The following TAF7 variants were observed in gnomAD, a reference collection of about 807,000 sequenced individuals.
TAF7 encodes transcription initiation factor TFIID subunit 7.
A neutral mutation model predicts 25.3 loss-of-function variants in TAF7; 9 were observed. That is an observed-to-expected ratio of 0.36 (90% CI 0.21 to 0.62). TAF7 has a LOEUF of 0.62. TAF7 is among the 20% of genes least tolerant of loss of function. The probability of loss-of-function intolerance (pLI) is 0.72; values close to 1 mark genes in which losing one functional copy is unlikely to be tolerated. For missense variants in TAF7, 311 were observed against 410.6 expected, an observed-to-expected ratio of 0.76 and a Z score of 2.10; for synonymous variants, 127 against 146.7, an observed-to-expected ratio of 0.87 and a Z score of 0.97.
At position 141,319,830 on chromosome 5, in the gene TAF7, C is replaced by T; in HGVS notation, c.215G>A (p.Cys72Tyr). 1 of 1,614,160 alleles carries T rather than the reference C, an allele frequency of 6.2e-7. No individual in the cohort carries two copies. Among genetic ancestry groups the T allele is most frequent in the Non-Finnish European group, 8.5e-7 (1 of 1,180,034 alleles). Residue 72 changes from cysteine to tyrosine, a missense_variant, in exon 1 of 1, where the codon TGT becomes TAT. Cys to Tyr is a radical substitution (Grantham distance 194). This residue lies in a region of TAF7 where 119 missense variants were observed against 159.3 expected (regional missense o/e 0.75). Coordinates refer to ENST00000313368, the MANE Select transcript of TAF7 (RefSeq NM_005642.3). The surrounding 1 kb of genome is among the most constrained non-coding windows in gnomAD (Gnocchi z 5.3). The stretch of plus-strand genomic sequence containing the variant: ...AATGGTTTTCAAGCTTTCCATAACA[C>T]AGGGCAGGTCTACTAATTTTGAGGC... ...PLASKLVDLP[C>Y]VMESLKTIDK... is the part of the protein sequence containing the mutation.
chr5:141,319,858 A>G lies in TAF7; in HGVS notation c.187T>C (p.Leu63=), dbSNP rs1321372868. 6 of 1,614,182 alleles carry G rather than the reference A, an allele frequency of 3.7e-6. No individual in the cohort carries two copies. Among genetic ancestry groups the G allele is most frequent in the South Asian group, 1.1e-5 (1 of 91,080 alleles). Residue 63 remains leucine, a synonymous_variant, in exon 1 of 1, where the codon TTG becomes CTG. Transcript: ENST00000313368. This position sits in a 1 kb window ranked among gnomAD's most constrained non-coding sequence, Gnocchi z 5.3. Reference sequence around the variant, plus strand: ...GGCAGGTCTACTAATTTTGAGGCCAATGGAACACGGTCCACTCTGACGATT... The same window carrying G: ...GGCAGGTCTACTAATTTTGAGGCCAGTGGAACACGGTCCACTCTGACGATT... ...HGIVRVDRVP[L]ASKLVDLPCV...
chr5:141,319,681 T>G lies in TAF7; in HGVS notation c.364A>C (p.Lys122Gln). ...AACTTTTTCTCTTTGTCCTTATCCT[T>G]TTTCTTGCTTGCTTTAGGATCAGTG... is the stretch of plus-strand genomic sequence containing the variant. Reference protein sequence around the residue: ...ASTDPKASKKKDKDKEKKFIW... With the variant: ...ASTDPKASKKQDKDKEKKFIW... Residue 122 changes from lysine (K) to glutamine (Q), a missense_variant, in exon 1 of 1, where the codon AAG (lysine) becomes CAG (glutamine). Lys to Gln is a moderately conservative substitution (Grantham distance 53, BLOSUM62 1). Coordinates refer to ENST00000313368, the MANE Select transcript of TAF7 (RefSeq NM_005642.3). The surrounding 1 kb of genome is among the most constrained non-coding windows in gnomAD (Gnocchi z 5.3). 1 of 1,614,154 alleles carries G rather than the reference T, an allele frequency of 6.2e-7. No individual in the cohort carries two copies. The highest frequency in any genetic ancestry group is 8.5e-7 in the Non-Finnish European group (1 of 1,180,034).
rs1379320183 is a variant in TAF7 at position 141,320,538 on chromosome 5, T to C, written c.-494A>G. On this transcript the variant is annotated 5_prime_UTR_variant, in exon 1 of 1. Coordinates refer to ENST00000313368, the MANE Select transcript of TAF7 (RefSeq NM_005642.3). ...CTTACAATCCAGTGACGATTATAAGTTCAGTTTCACCGGGCCGGAGCGAAG... is the reference window on the plus strand; with the variant it reads ...CTTACAATCCAGTGACGATTATAAGCTCAGTTTCACCGGGCCGGAGCGAAG... 1.2e-5 allele frequency: 2 copies of C among 168,090 alleles called. No individual in the cohort carries two copies. Among genetic ancestry groups the C allele is most frequent in the Non-Finnish European group, 2.9e-5 (2 of 68,892 alleles). The allele number at this position is 168,090 out of a possible 1,614,324, so 10.4% of individuals were successfully genotyped here. A position where few individuals can be genotyped will look rare whatever the true frequency, so the allele number is the denominator to read the frequency against.
At position 141,319,077 on chromosome 5, in the gene TAF7, T is replaced by C; in HGVS notation, c.968A>G (p.Asp323Gly). The change falls in exon 1 of 1, where the codon GAT becomes GGT. Residue 323 changes from aspartate (D) to glycine (G), a missense_variant. Asp to Gly is a moderately conservative substitution (Grantham distance 94). Around this residue, in one of 3 missense-constraint regions of TAF7, gnomAD observed 179 missense variants for 206.7 expected, o/e 0.87. Coordinates refer to ENST00000313368, the MANE Select transcript of TAF7 (RefSeq NM_005642.3). This position sits in a 1 kb window ranked among gnomAD's most constrained non-coding sequence, Gnocchi z 5.3. ...TCGGTCTTCCTTTTGTTTGAGCTCA[T>C]CCAGTACAGCCTGAAATCTGTTCTT... is the stretch of plus-strand genomic sequence containing the variant. ...ALKNRFQAVL[D>G]ELKQKEDREK... 3 of 1,614,196 alleles carry C rather than the reference T, an allele frequency of 1.9e-6. No homozygotes were observed. The highest frequency in any genetic ancestry group is 2.5e-6 in the Non-Finnish European group (3 of 1,180,030).
Position 141,319,699 on chromosome 5 carries a change from G to A in TAF7, c.346C>T (p.Pro116Ser), listed in dbSNP as rs1304398664. Residue 116 changes from proline to serine, a missense_variant, in exon 1 of 1, where the codon CCT (proline) becomes TCT (serine). Transcript: ENST00000313368. This position sits in a 1 kb window ranked among gnomAD's most constrained non-coding sequence, Gnocchi z 5.3. The stretch of plus-strand genomic sequence containing the variant: ...TTATCCTTTTTCTTGCTTGCTTTAG[G>A]ATCAGTGCTAGCAACTGGCTCCTCC... ...PVEEPVASTDPKASKKKDKDK... is the reference protein window; with the variant it reads ...PVEEPVASTDSKASKKKDKDK... 6.2e-7 allele frequency: 1 copy of A among 1,613,916 alleles called. No homozygotes were observed. Among genetic ancestry groups the A allele is most frequent in the Non-Finnish European group, 8.5e-7 (1 of 1,179,994 alleles).
Position 141,318,873 on chromosome 5 carries a change from C to A in TAF7, c.*122G>T. 1.2e-6 allele frequency: 1 copy of A among 855,428 alleles called. No homozygotes were observed. 53.0% of individuals were successfully genotyped at this position (855,428 alleles called of 1,614,324 possible). A position where few individuals can be genotyped will look rare whatever the true frequency, so the allele number is the denominator to read the frequency against. On this transcript the variant is annotated 3_prime_UTR_variant, in exon 1 of 1. Coordinates refer to ENST00000313368, the MANE Select transcript of TAF7 (RefSeq NM_005642.3). ...ACAAAATTACAAACAAATGAAAGAA[C>A]TTAACAGAACACACAGCATTAAAAG...
In TAF7 at chr5:141,319,718, C is replaced by A. The variant is rs200552104; in HGVS notation, c.327G>T (p.Glu109Asp). ...CTTTAGGATCAGTGCTAGCAACTGG[C>A]TCCTCCACAGGAGGATAGAGATCAC... Reference protein sequence around the residue: ...VDGDLYPPVEEPVASTDPKAS... With the variant: ...VDGDLYPPVEDPVASTDPKAS... Residue 109 changes from glutamate to aspartate, a missense_variant, in exon 1 of 1, where the codon GAG (glutamate) becomes GAT (aspartate). Physicochemically the swap from Glu to Asp is conservative, Grantham distance 45 (BLOSUM62 2). Around this residue, in one of 3 missense-constraint regions of TAF7, gnomAD observed 119 missense variants for 159.3 expected, o/e 0.75. Transcript: ENST00000313368. The surrounding 1 kb of genome is among the most constrained non-coding windows in gnomAD (Gnocchi z 5.3). The A allele has an allele frequency of 1.5e-5, 24 of 1,614,078 alleles. No homozygotes were observed. The highest frequency in any genetic ancestry group is 1.9e-5 in the Non-Finnish European group (22 of 1,180,008).
At position 141,320,757 on chromosome 5, in the gene TAF7, G is replaced by C. The variant is rs369313648; in HGVS notation, c.-713C>G. The stretch of plus-strand genomic sequence containing the variant: ...CCCGCACCTCGCCGGCCCTCCGTCC[G>C]GGTCGCCTACCCAGCAAAAACGGAA... On this transcript the variant is annotated 5_prime_UTR_variant, in exon 1 of 1. Transcript: ENST00000313368. The C allele has an allele frequency of 1.8e-5, 3 of 167,166 alleles. No individual in the cohort carries two copies. The highest frequency in any genetic ancestry group is 4.4e-5 in the Non-Finnish European group (3 of 68,146). 10.4% of individuals were successfully genotyped at this position (167,166 alleles called of 1,614,324 possible).
Position 141,319,172 on chromosome 5 carries a change from C to A in TAF7, c.873G>T (p.Lys291Asn). The A allele has an allele frequency of 2.5e-6, 4 of 1,614,134 alleles. No individual in the cohort carries two copies. Among genetic ancestry groups the A allele is most frequent in the Non-Finnish European group, 3.4e-6 (4 of 1,180,026 alleles). ...TTGCCCTGTCCTGGGTCTCTTGGAG[C>A]TTGCCTTTCATGTTGTCAATCTGCT... is the stretch of plus-strand genomic sequence containing the variant. Reference protein sequence around the residue: ...IQKQIDNMKGKLQETQDRAKR... With the variant: ...IQKQIDNMKGNLQETQDRAKR... The change falls in exon 1 of 1, where the codon AAG becomes AAT. Residue 291 changes from lysine (K) to asparagine (N), a missense_variant. Transcript: ENST00000313368. The surrounding 1 kb of genome is among the most constrained non-coding windows in gnomAD (Gnocchi z 5.3).
Position 141,319,635 on chromosome 5 carries a change from G to A in TAF7, c.410C>T (p.Thr137Ile). 6.2e-7 allele frequency: 1 copy of A among 1,614,176 alleles called. No individual in the cohort carries two copies. The highest frequency in any genetic ancestry group is 8.5e-7 in the Non-Finnish European group (1 of 1,180,040). Residue 137 changes from threonine to isoleucine, a missense_variant, in exon 1 of 1, where the codon ACT (threonine) becomes ATT (isoleucine). Physicochemically the swap from Thr to Ile is moderately conservative, Grantham distance 89 (BLOSUM62 -1). This residue lies in a region of TAF7 where 13 missense variants were observed against 44.6 expected (regional missense o/e 0.29). Transcript: ENST00000313368. The surrounding 1 kb of genome is among the most constrained non-coding windows in gnomAD (Gnocchi z 5.3). ...EKKFIWNHGI[T>I]LPLKNVRKRR... Reference sequence around the variant, plus strand: ...CTTCCTGACATTCTTTAGAGGCAGAGTAATTCCGTGGTTCCAGATAAACTT... The same window carrying A: ...CTTCCTGACATTCTTTAGAGGCAGAATAATTCCGTGGTTCCAGATAAACTT...
rs1318294954 is a variant in TAF7 at position 141,320,139 on chromosome 5, T to A, written c.-95A>T. On this transcript the variant is annotated 5_prime_UTR_variant, in exon 1 of 1. Coordinates refer to ENST00000313368, the MANE Select transcript of TAF7 (RefSeq NM_005642.3). Reference sequence around the variant, plus strand: ...GTTTAAAACACCAGTTTGCTATGAATTGAAATCTTTTAATTACAAGAAGTT... The same window carrying A: ...GTTTAAAACACCAGTTTGCTATGAAATGAAATCTTTTAATTACAAGAAGTT... 9.2e-7 allele frequency: 1 copy of A among 1,092,524 alleles called. No individual in the cohort carries two copies. The highest frequency in any genetic ancestry group is 1.3e-6 in the Non-Finnish European group (1 of 767,756). The allele number at this position is 1,092,524 out of a possible 1,614,324, so 67.7% of individuals were successfully genotyped here. A position where few individuals can be genotyped will look rare whatever the true frequency, so the allele number is the denominator to read the frequency against.
In TAF7 at chr5:141,320,745, G is replaced by T. The variant is rs1346265136; in HGVS notation, c.-701C>A. ...GCATCACCAGACCCCGCACCTCGCC[G>T]GCCCTCCGTCCGGGTCGCCTACCCA... On this transcript the variant is annotated 5_prime_UTR_variant, in exon 1 of 1. Transcript: ENST00000313368. 1.8e-5 allele frequency: 3 copies of T among 167,184 alleles called. No individual in the cohort carries two copies. The highest frequency in any genetic ancestry group is 4.8e-5 in the African/African-American group (2 of 41,484). The allele number at this position is 167,184 out of a possible 1,614,324, so 10.4% of individuals were successfully genotyped here. A position where few individuals can be genotyped will look rare whatever the true frequency, so the allele number is the denominator to read the frequency against.
chr5:141,319,139 T>C lies in TAF7; in HGVS notation c.906A>G (p.Gln302=), dbSNP rs1564070634. 1.9e-6 allele frequency: 3 copies of C among 1,614,156 alleles called. No homozygotes were observed. The highest frequency in any genetic ancestry group is 1.7e-6 in the Non-Finnish European group (2 of 1,180,018). The change falls in exon 1 of 1, where the codon CAA becomes CAG. Residue 302 remains glutamine, a synonymous_variant. Coordinates refer to ENST00000313368, the MANE Select transcript of TAF7 (RefSeq NM_005642.3). This position sits in a 1 kb window ranked among gnomAD's most constrained non-coding sequence, Gnocchi z 5.3. ...LQETQDRAKR[Q]EDLIMKVENL... is the part of the protein sequence containing the mutation. ...TTTCCACTTTCATGATGAGATCCTC[T>C]TGTCGTTTTGCCCTGTCCTGGGTCT...
At position 141,318,889 on chromosome 5, in the gene TAF7, G is replaced by T; in HGVS notation, c.*106C>A. 1.0e-6 allele frequency: 1 copy of T among 952,998 alleles called. No homozygotes were observed. The allele number at this position is 952,998 out of a possible 1,614,324, so 59.0% of individuals were successfully genotyped here. A position where few individuals can be genotyped will look rare whatever the true frequency, so the allele number is the denominator to read the frequency against. Reference sequence around the variant, plus strand: ...ATGAAAGAACTTAACAGAACACACAGCATTAAAAGGACTAGGAAGAGCAAG... The same window carrying T: ...ATGAAAGAACTTAACAGAACACACATCATTAAAAGGACTAGGAAGAGCAAG... On this transcript the variant is annotated 3_prime_UTR_variant, in exon 1 of 1. Transcript: ENST00000313368.
rs1285054261 is a variant in TAF7 at position 141,320,135 on chromosome 5, T to C, written c.-91A>G. 8.0e-6 allele frequency: 9 copies of C among 1,125,970 alleles called. No homozygotes were observed. The highest frequency in any genetic ancestry group is 1.1e-5 in the Non-Finnish European group (9 of 796,164). The allele number at this position is 1,125,970 out of a possible 1,614,324, so 69.7% of individuals were successfully genotyped here. On this transcript the variant is annotated 5_prime_UTR_variant, in exon 1 of 1. Transcript: ENST00000313368. ...AATAGTTTAAAACACCAGTTTGCTA[T>C]GAATTGAAATCTTTTAATTACAAGA...
At position 141,320,139 on chromosome 5, in the gene TAF7, T is replaced by C. The variant is rs1318294954; in HGVS notation, c.-95A>G. 2 of 1,092,642 alleles carry C rather than the reference T, an allele frequency of 1.8e-6. No homozygotes were observed. The highest frequency in any genetic ancestry group is 2.6e-5 in the East Asian group (1 of 38,932). 67.7% of individuals were successfully genotyped at this position (1,092,642 alleles called of 1,614,324 possible). ...GTTTAAAACACCAGTTTGCTATGAA[T>C]TGAAATCTTTTAATTACAAGAAGTT... is the stretch of plus-strand genomic sequence containing the variant. On this transcript the variant is annotated 5_prime_UTR_variant, in exon 1 of 1. Coordinates refer to ENST00000313368, the MANE Select transcript of TAF7 (RefSeq NM_005642.3).
chr5:141,319,054 G>A lies in TAF7; in HGVS notation c.991C>T (p.Arg331Ter). 6.2e-7 allele frequency: 1 copy of A among 1,613,544 alleles called. No homozygotes were observed. The highest frequency in any genetic ancestry group is 8.5e-7 in the Non-Finnish European group (1 of 1,179,872). The change falls in exon 1 of 1, where the codon CGA becomes TGA. Residue 331 changes from arginine (R) to a stop codon, truncating the protein, a stop_gained. Transcript: ENST00000313368. LOFTEE classifies it high-confidence loss of function. This position sits in a 1 kb window ranked among gnomAD's most constrained non-coding sequence, Gnocchi z 5.3. ...AAAGAGCTGAGTTGCTCCTTTTCTCGGTCTTCCTTTTGTTTGAGCTCATCC... is the reference window on the plus strand; with the variant it reads ...AAAGAGCTGAGTTGCTCCTTTTCTCAGTCTTCCTTTTGTTTGAGCTCATCC... ...VLDELKQKED[R>*]EKEQLSSLQE...
rs756682157 is a variant in TAF7 at position 141,320,007 on chromosome 5, T to C, written c.38A>G (p.Glu13Gly). 6.2e-7 allele frequency: 1 copy of C among 1,613,764 alleles called. No individual in the cohort carries two copies. Among genetic ancestry groups the C allele is most frequent in the Non-Finnish European group, 8.5e-7 (1 of 1,179,798 alleles). Residue 13 changes from glutamate to glycine, a missense_variant, in exon 1 of 1, where the codon GAG (glutamate) becomes GGG (glycine). This residue lies in a region of TAF7 where 119 missense variants were observed against 159.3 expected (regional missense o/e 0.75). Coordinates refer to ENST00000313368, the MANE Select transcript of TAF7 (RefSeq NM_005642.3). The part of the protein sequence containing the change: ...KSKDDAPHEL[E>G]SQFILRLPPE... ...AGGCAGACGTAAGATAAACTGGCTC[T>C]CCAGTTCGTGAGGAGCATCATCTTT... is the stretch of plus-strand genomic sequence containing the variant.
rs374342602 is a variant in TAF7, at chr5:141,319,047, T to C, written c.998A>G (p.Lys333Arg). Residue 333 changes from lysine to arginine, a missense_variant, in exon 1 of 1, where the codon AAG becomes AGG. This residue lies in a region of TAF7 where 179 missense variants were observed against 206.7 expected (regional missense o/e 0.87). Transcript: ENST00000313368. The surrounding 1 kb of genome is among the most constrained non-coding windows in gnomAD (Gnocchi z 5.3). ...CTCTTGCAAAGAGCTGAGTTGCTCC[T>C]TTTCTCGGTCTTCCTTTTGTTTGAG... ...DELKQKEDRE[K>R]EQLSSLQEEL... 1.9e-6 allele frequency: 3 copies of C among 1,613,598 alleles called. No individual in the cohort carries two copies. Among genetic ancestry groups the C allele is most frequent in the Non-Finnish European group, 2.5e-6 (3 of 1,179,906 alleles).
Sources: gnomAD v4.1 joint callset for allele counts on GRCh38, gnomAD v4.1.1 for gene constraint, gnomAD v4.1.1 regional missense constraint, Gnocchi (gnomAD v3.1) non-coding constraint, MANE v1.5 for transcripts, NCBI Gene and HGNC (gene_info 2026-07-23, HGNC 2026-07-21) for gene names.